The following MEMO1 variants were observed in gnomAD, a reference collection of about 807,000 sequenced individuals.
MEMO1 encodes protein MEMO1.
MEMO1 carries 6 observed loss-of-function variants against 45.2 expected under a neutral mutation model. The ratio of observed to expected loss-of-function variants is 0.13; its 90% CI spans 0.07 to 0.26. MEMO1 has a LOEUF of 0.26. Ranked by LOEUF, MEMO1 falls within the 10% of genes least tolerant of loss-of-function variation. The pLI is 1.00. For missense variants in MEMO1, 184 were observed against 370.5 expected, an observed-to-expected ratio of 0.50 and a Z score of 4.13; for synonymous variants, 78 against 124.3, an observed-to-expected ratio of 0.63 and a Z score of 2.48.
chr2:31,948,194 T>C (rs1338147599), intron 2 of MEMO1, among the ~76,000 whole-genome samples: 1 of 152,180 alleles, frequency 6.6e-6, no homozygotes, highest in Non-Finnish European at 1.5e-5. Context: ...AGAGATAAAA[T>C]GAAGGTGTAG....
intron 2 of MEMO1, among the ~76,000 whole-genome samples, chr2:31,952,985 A>G (rs1667001250): frequency 6.6e-6 from 1 of 152,244 alleles, no homozygotes; most frequent in Admixed American, 6.5e-5. Context: ...CTTAAACATT[A>G]ATATAAAATC....
intron 5 of MEMO1, among the ~76,000 whole-genome samples, chr2:31,920,162 C>CT (rs1455934025): frequency 6.7e-6 from 1 of 150,256 alleles, no homozygotes; most frequent in Non-Finnish European, 1.5e-5. Flanking sequence ...TTTAAAATTA[C>CT]TCCCCCCCCC....
At chr2:32,006,385 G>A (rs1239347067) in intron 2 of MEMO1, among the ~76,000 whole-genome samples, 3 of 152,184 alleles carry the variant, frequency 2.0e-5, no homozygotes, top group South Asian at 2.1e-4. Flanking sequence ...ACTACATTTA[G>A]ATTATGTTGC....
chr2:31,906,283 CTTTTGT>C lies in MEMO1; in HGVS notation c.437+11637_437+11642del, dbSNP rs532162502. ...CCGCACCCGGCCAAGGAGTGCTATT[CTTTTGT>C]TTTTGTTTTTGTTTTTTTTGTTTGT... On this transcript the variant is annotated intron_variant, in intron 6 of 9. Transcript: ENST00000404530. 6.4e-3 allele frequency among the ~76,000 whole-genome samples: 958 copies of C among 150,854 alleles called. 7 individuals are homozygous for C. The highest frequency in any genetic ancestry group is 0.01 in the Middle Eastern group (3 of 286).
chr2:31,902,464 A>G (rs1470751767), intron 6 of MEMO1, among the ~76,000 whole-genome samples: 3 of 152,166 alleles, frequency 2.0e-5, no homozygotes, highest in African/African-American at 4.8e-5. Context: ...TCATACCTCA[A>G]TAAAGCTGTT....
chr2:32,002,980 C>T (rs975460404), intron 2 of MEMO1, among the ~76,000 whole-genome samples: 1 of 152,156 alleles, frequency 6.6e-6, no homozygotes, highest in Non-Finnish European at 1.5e-5. Context: ...AATCAGCATA[C>T]AGAAAACAGT....
intron 4 of MEMO1, among the ~76,000 whole-genome samples, chr2:31,921,129 G>T (rs1044206249): frequency 1.3e-5 from 2 of 152,126 alleles, no homozygotes; most frequent in African/African-American, 4.8e-5. Context: ...TCTTCAAAGA[G>T]GCGATTAAGT....
At chr2:31,933,347 AAATTT>A (rs1558514250) in intron 3 of MEMO1, among the ~76,000 whole-genome samples, 225 of 19,952 alleles carry the variant, frequency 0.011, 6 homozygotes, top group African/African-American at 0.029. Context: ...AAAAAAAAAA[AAATTT>A]ATATATATAT....
At chr2:31,919,298 C>T (rs967647341) in intron 5 of MEMO1, among the ~76,000 whole-genome samples, 5 of 151,810 alleles carry the variant, frequency 3.3e-5, no homozygotes, top group Non-Finnish European at 7.4e-5. Context: ...CCTACAGCTA[C>T]GTGCTACCAT....
At position 31,949,642 on chromosome 2, in the gene MEMO1, CA is replaced by C. The variant is rs549686329; in HGVS notation, c.62-6260del. On this transcript the variant is annotated intron_variant, in intron 2 of 9. Coordinates refer to ENST00000404530, the MANE Select transcript of MEMO1 (RefSeq NM_001301833.4). ...AGGAGGTGGAGATGGTTAATGGGTA[CA>C]AAAAAAAAAAAAAAAAAAACCAGAA... 3.8e-3 allele frequency among the ~76,000 whole-genome samples: 409 copies of C among 108,958 alleles called. 1 individual carries two copies. The highest frequency in any genetic ancestry group is 5.2e-3 in the Non-Finnish European group (294 of 56,956). The allele number at this position is 108,958 out of a possible 152,430, so 71.5% of individuals were successfully genotyped here. A position where few individuals can be genotyped will look rare whatever the true frequency, so the allele number is the denominator to read the frequency against.
chr2:31,995,421 T>C (rs577685086), intron 2 of MEMO1, among the ~76,000 whole-genome samples: 1 of 152,048 alleles, frequency 6.6e-6, no homozygotes, highest in Non-Finnish European at 1.5e-5. Flanking sequence ...ACCACTGCAC[T>C]CCAGCCTGGG....
chr2:31,908,881 A>G (rs11901415), intron 6 of MEMO1, among the ~76,000 whole-genome samples: 19,769 of 152,206 alleles, frequency 0.13, 1,433 homozygotes, highest in Middle Eastern at 0.21. Context: ...GTCTGACCTA[A>G]AGTGGGAGAA....
chr2:31,879,614 G>A (rs1407871861), intron 8 of MEMO1, among the ~76,000 whole-genome samples: 4 of 151,946 alleles, frequency 2.6e-5, no homozygotes, highest in Admixed American at 6.6e-5. Flanking sequence ...AAAATAAACA[G>A]GTAAAATTAA....
intron 3 of MEMO1, among the ~76,000 whole-genome samples, chr2:31,939,909 T>C (rs1018355364): frequency 6.6e-6 from 1 of 152,146 alleles, no homozygotes; most frequent in Non-Finnish European, 1.5e-5. Flanking sequence ...CTAAACCTAC[T>C]CCAATAATAC....
intron 5 of MEMO1, among the ~76,000 whole-genome samples, chr2:31,918,735 A>T (rs1167494205): frequency 6.6e-6 from 1 of 152,170 alleles, no homozygotes; most frequent in South Asian, 2.1e-4. Flanking sequence ...AAAAAGATAA[A>T]AGTTAACATG....
At chr2:32,000,675 C>T (rs767644758) in intron 2 of MEMO1, among the ~76,000 whole-genome samples, 32 of 152,112 alleles carry the variant, frequency 2.1e-4, no homozygotes, top group Non-Finnish European at 4.0e-4. Flanking sequence ...CGAAGTCTTC[C>T]CTTTCAATGC....
In MEMO1 at chr2:31,933,342, AAAAAAAATTTAT is replaced by A. The variant is rs1558514170; in HGVS notation, c.144-1219_144-1208del. Among the ~76,000 whole-genome samples, 67 of 47,312 alleles carry A rather than the reference AAAAAAAATTTAT, an allele frequency of 1.4e-3. 1 individual carries two copies. Among genetic ancestry groups the A allele is most frequent in the African/African-American group, 5.6e-3 (61 of 10,940 alleles). The allele number at this position is 47,312 out of a possible 152,430, so 31.0% of individuals were successfully genotyped here. On this transcript the variant is annotated intron_variant, in intron 3 of 9. Transcript: ENST00000404530. ...TAAAAAAAAAAAAAAAAAAAAAAAA[AAAAAAAATTTAT>A]ATATATATATATATATATATATATA...
intron 2 of MEMO1, among the ~76,000 whole-genome samples, chr2:31,969,677 C>T (rs1220929835): frequency 6.7e-6 from 1 of 149,492 alleles, no homozygotes; most frequent in Non-Finnish European, 1.5e-5. Flanking sequence ...AGTGCAATGG[C>T]ACAATCACTG....
At chr2:31,995,872 C>T (rs1289633377) in intron 2 of MEMO1, among the ~76,000 whole-genome samples, 3 of 151,830 alleles carry the variant, frequency 2.0e-5, no homozygotes, top group Non-Finnish European at 4.4e-5. Context: ...AATTGTCAAG[C>T]GACCTGAAGA....
Sources: gnomAD v4.1 joint callset for allele counts (sites outside exome capture counted in the v4.1 genomes callset) on GRCh38, gnomAD v4.1.1 for gene constraint, MANE v1.5 for transcripts, NCBI Gene and HGNC (gene_info 2026-07-23, HGNC 2026-07-21) for gene names.